DLC1: variants seen among roughly 807,000 people sequenced by gnomAD.
DLC1 encodes the protein rho GTPase-activating protein 7.
DLC1 carries 54 observed loss-of-function variants against 140.3 expected under a neutral mutation model. That is an observed-to-expected ratio of 0.38 (90% CI 0.31 to 0.48). The LOEUF (loss-of-function observed/expected upper bound fraction) is 0.48, where lower values mean the gene tolerates loss of function less well. Ranked by LOEUF, DLC1 falls within the 20% of genes least tolerant of loss-of-function variation. The probability of loss-of-function intolerance (pLI) is 0.96; values close to 1 mark genes in which losing one functional copy is unlikely to be tolerated. For synonymous variants in DLC1, 986 were observed against 728.1 expected (o/e 1.35, Z -5.70); for missense variants, 2,536 against 1,907.0 (o/e 1.33, Z -6.14).
At chr8:13,109,600 A>AC (rs35298340) in intron 7 of DLC1, among the ~76,000 whole-genome samples, 2 of 147,950 alleles carry the variant, frequency 1.4e-5, no homozygotes, top group Non-Finnish European at 3.0e-5. Context: ...CAAAAAAAAA[A>AC]CAGGCTGGGT....
intron 8 of DLC1, 28 bp from the exon 9 acceptor site, chr8:13,100,798 A>C (rs1819010773): frequency 6.5e-7 from 1 of 1,527,536 alleles, no homozygotes; most frequent in Non-Finnish European, 8.8e-7. Context: ...AGCCATTCAC[A>C]CACTGGGGCT....
At position 13,088,707 on chromosome 8, in the gene DLC1, G is replaced by A; in HGVS notation, c.4075-3C>T. ...CTCAGAGGGGGTCCTTCGCTCACCT[G>A]GAAAGAGGATGTATTTTTCAGTGCC... is the stretch of plus-strand genomic sequence containing the variant. On this transcript the variant is annotated splice_polypyrimidine_tract_variant and splice_region_variant and intron_variant, in intron 15 of 17. Coordinates refer to ENST00000276297, the MANE Select transcript of DLC1 (RefSeq NM_182643.3). 2.5e-6 allele frequency: 4 copies of A among 1,613,692 alleles called. No homozygotes were observed. In the South Asian group the frequency reaches 3.3e-5, roughly 13 times the overall value.
intron 5 of DLC1, among the ~76,000 whole-genome samples, chr8:13,273,147 A>G (rs1261704094): frequency 6.6e-6 from 1 of 152,236 alleles, no homozygotes; most frequent in Non-Finnish European, 1.5e-5. Context: ...AAAGCAGGCT[A>G]CAAGGCCCTC....
At chr8:13,460,894 GA>G (rs1799624793) in intron 2 of DLC1, among the ~76,000 whole-genome samples, 1 of 152,312 alleles carries the variant, frequency 6.6e-6, no homozygotes, top group East Asian at 1.9e-4. Context: ...AGTGTGAGGG[GA>G]AAAACAGGGT....
chr8:13,157,997 A>C (rs1585797857), intron 5 of DLC1, among the ~76,000 whole-genome samples: 1 of 152,228 alleles, frequency 6.6e-6, no homozygotes, highest in South Asian at 2.1e-4. Context: ...TATCATGGGA[A>C]TATTTCAGGG....
At chr8:13,386,346 A>T (rs1382891808) in intron 4 of DLC1, among the ~76,000 whole-genome samples, 1 of 152,082 alleles carries the variant, frequency 6.6e-6, no homozygotes, top group Non-Finnish European at 1.5e-5. Flanking sequence ...CTACAAACTA[A>T]ACACAAGGGA....
At chr8:13,181,085 C>A (rs1826003765) in intron 5 of DLC1, among the ~76,000 whole-genome samples, 1 of 151,932 alleles carries the variant, frequency 6.6e-6, no homozygotes, top group Non-Finnish European at 1.5e-5. Context: ...CCTTTCTGGC[C>A]TTTTCTCCAA....
At chr8:13,542,217 C>G (rs575800262) in intron 1 of DLC1, among the ~76,000 whole-genome samples, 1 of 152,162 alleles carries the variant, frequency 6.6e-6, no homozygotes, top group Middle Eastern at 3.4e-3. Flanking sequence ...GGCCTGTGTT[C>G]TATTTAGAGA....
intron 5 of DLC1, among the ~76,000 whole-genome samples, chr8:13,150,471 G>A (rs75568213): frequency 5.2e-3 from 792 of 152,186 alleles, no homozygotes; most frequent in Middle Eastern, 0.01. Context: ...CTATGGATGA[G>A]CCATGGTGTG....
chr8:13,188,378 C>T (rs544201664), intron 5 of DLC1, among the ~76,000 whole-genome samples: 1 of 129,534 alleles, frequency 7.7e-6, no homozygotes, highest in East Asian at 2.4e-4. Context: ...AATGATTGTG[C>T]CACTGCACTC....
intron 5 of DLC1, among the ~76,000 whole-genome samples, chr8:13,280,536 T>C (rs1831329195): frequency 1.3e-5 from 2 of 152,304 alleles, no homozygotes; most frequent in African/African-American, 4.8e-5. Flanking sequence ...CCTGCTTTGG[T>C]AATGTATTAT....
intron 1 of DLC1, among the ~76,000 whole-genome samples, chr8:13,507,316 T>C (rs1802141687): frequency 6.6e-6 from 1 of 152,172 alleles, no homozygotes; most frequent in South Asian, 2.1e-4. Context: ...ATTATGTTTC[T>C]TAATTCCTTT....
At chr8:13,104,231 A>G (rs1276007376) in intron 7 of DLC1, among the ~76,000 whole-genome samples, 1 of 152,156 alleles carries the variant, frequency 6.6e-6, no homozygotes. Flanking sequence ...CACTCAGGTA[A>G]GACTCTTTTT....
At position 13,457,495 on chromosome 8, in the gene DLC1, G is replaced by A. The variant is rs145280790; in HGVS notation, c.1023+41554C>T. Among the ~76,000 whole-genome samples, 624 of 151,892 alleles carry A rather than the reference G, an allele frequency of 4.1e-3. 8 individuals are homozygous for A. The highest frequency in any genetic ancestry group is 0.015 in the African/African-American group (605 of 41,430). ...AAATCAAGACCATCCTGGCCAACAT[G>A]GTGAAACCCTGTCTCTACCAAAACT... is the stretch of plus-strand genomic sequence containing the variant. On this transcript the variant is annotated intron_variant, in intron 2 of 17. Transcript: ENST00000276297.
Position 13,504,673 on chromosome 8 carries a change from G to C in DLC1, c.-125-4477C>G, listed in dbSNP as rs551863336. On this transcript the variant is annotated intron_variant, in intron 1 of 17. Coordinates refer to ENST00000276297, the MANE Select transcript of DLC1 (RefSeq NM_182643.3). ...TAGGAGCTGGGAATCAATGGTATCA[G>C]ATTTGTCAAAAGTAACAGTGCAGGG... is the stretch of plus-strand genomic sequence containing the variant. 2.6e-5 allele frequency among the ~76,000 whole-genome samples: 4 copies of C among 152,272 alleles called. No homozygotes were observed. In the East Asian group the frequency reaches 7.7e-4, roughly 29 times the overall value.
intron 1 of DLC1, among the ~76,000 whole-genome samples, chr8:13,509,278 C>A (rs1802250523): frequency 6.6e-6 from 1 of 152,176 alleles, no homozygotes. Context: ...CCCAGGTGCT[C>A]AGATAGCAAG....
intron 3 of DLC1, among the ~76,000 whole-genome samples, chr8:13,399,408 C>G (rs1837199517): frequency 6.6e-6 from 1 of 152,176 alleles, no homozygotes; most frequent in Non-Finnish European, 1.5e-5. Flanking sequence ...CACTCTCCGT[C>G]AGTGTGAACA....
chr8:13,302,863 G>C (rs1832258140), intron 5 of DLC1, among the ~76,000 whole-genome samples: 1 of 151,784 alleles, frequency 6.6e-6, no homozygotes, highest in Non-Finnish European at 1.5e-5. Context: ...ATAAAGACAT[G>C]AAAGAAACAA....
intron 1 of DLC1, among the ~76,000 whole-genome samples, chr8:13,587,580 A>AT (rs1805370752): frequency 7.9e-6 from 1 of 127,002 alleles, no homozygotes; most frequent in South Asian, 2.6e-4. Flanking sequence ...GAGAGAGAGA[A>AT]AATATATATA....
Sources: gnomAD v4.1 joint callset for allele counts (sites outside exome capture counted in the v4.1 genomes callset) on GRCh38, gnomAD v4.1.1 for gene constraint, MANE v1.5 for transcripts, NCBI Gene and HGNC (gene_info 2026-07-23, HGNC 2026-07-21) for gene names.